FAM219A: variants seen among roughly 807,000 people sequenced by gnomAD.
The protein encoded by FAM219A is protein FAM219A.
Under a neutral mutation model 23.4 loss-of-function variants are expected in FAM219A, and 7 were observed. The ratio of observed to expected loss-of-function variants is 0.30; its 90% CI spans 0.17 to 0.56. The LOEUF (loss-of-function observed/expected upper bound fraction) is 0.56, where lower values mean the gene tolerates loss of function less well. FAM219A is among the 20% of genes least tolerant of loss of function. The pLI is 0.92. For synonymous variants in FAM219A, 93 were observed against 99.0 expected (o/e 0.94, Z 0.36); for missense variants, 166 against 246.9 (o/e 0.67, Z 2.20).
At chr9:34,402,209 C>T (rs1312939260) in intron 4 of FAM219A, 178 bp downstream of exon 4, 12 of 1,556,996 alleles carry the variant, frequency 7.7e-6, no homozygotes, top group African/African-American at 1.4e-5. Context: ...TGCCACCTCT[C>T]TTCAACCCCC....
At chr9:34,428,366 C>T (rs1475032339) in intron 1 of FAM219A, among the ~76,000 whole-genome samples, 1 of 152,244 alleles carries the variant, frequency 6.6e-6, no homozygotes, top group African/African-American at 2.4e-5. Context: ...GTGAACTGCA[C>T]TGACTCTGAG....
At chr9:34,453,566 C>T (rs1336295500) in intron 1 of FAM219A, among the ~76,000 whole-genome samples, 1 of 152,202 alleles carries the variant, frequency 6.6e-6, no homozygotes, top group South Asian at 2.1e-4. Flanking sequence ...TCTTACTTGT[C>T]CCTGTATCCT....
intron 1 of FAM219A, among the ~76,000 whole-genome samples, chr9:34,435,471 C>T (rs1424444613): frequency 6.6e-6 from 1 of 152,156 alleles, no homozygotes. Flanking sequence ...TTTGTCATAA[C>T]AAATTCAAAT....
chr9:34,434,201 C>CAAA (rs56144317), intron 1 of FAM219A, among the ~76,000 whole-genome samples: 45 of 44,942 alleles, frequency 1.0e-3, no homozygotes, highest in African/African-American at 3.2e-3. Context: ...GACTCCGTCT[C>CAAA]AAAAAAAAAA....
chr9:34,448,963 C>T (rs1461686712), intron 1 of FAM219A, among the ~76,000 whole-genome samples: 2 of 145,410 alleles, frequency 1.4e-5, no homozygotes, highest in Admixed American at 1.4e-4. Context: ...ATCCACATAA[C>T]CAAAAACCAC....
chr9:34,404,019 T>G (rs191444373), intron 2 of FAM219A, among the ~76,000 whole-genome samples: 5 of 152,280 alleles, frequency 3.3e-5, no homozygotes, highest in Admixed American at 6.5e-5. Context: ...TGGTACTAGG[T>G]GCAACTGGGA....
intron 2 of FAM219A, among the ~76,000 whole-genome samples, chr9:34,403,551 T>A (rs1387288464): frequency 6.6e-6 from 1 of 152,210 alleles, no homozygotes; most frequent in African/African-American, 2.4e-5. Context: ...TCCTGACTCC[T>A]TTGCCAAGGT....
At chr9:34,428,557 T>G (rs1405788524) in intron 1 of FAM219A, among the ~76,000 whole-genome samples, 1 of 152,192 alleles carries the variant, frequency 6.6e-6, no homozygotes, top group Non-Finnish European at 1.5e-5. Context: ...CTCCCCTGAG[T>G]CCTGCACTGT....
At chr9:34,452,534 G>C (rs570371173) in intron 1 of FAM219A, among the ~76,000 whole-genome samples, 1 of 152,038 alleles carries the variant, frequency 6.6e-6, no homozygotes, top group South Asian at 2.1e-4. Flanking sequence ...CTGTCCCATC[G>C]TGTTTCTCTG....
At chr9:34,407,586 G>A (rs1302899644) in intron 1 of FAM219A, among the ~76,000 whole-genome samples, 1 of 152,212 alleles carries the variant, frequency 6.6e-6, no homozygotes, top group East Asian at 1.9e-4. Flanking sequence ...GAGGGACATA[G>A]GGAAGAGAAC....
At chr9:34,416,739 A>C (rs545025762) in intron 1 of FAM219A, among the ~76,000 whole-genome samples, 17 of 91,044 alleles carry the variant, frequency 1.9e-4, no homozygotes, top group Non-Finnish European at 4.2e-4. Flanking sequence ...CTCTGTCTCA[A>C]AAAAAAAAAA....
In FAM219A at chr9:34,406,581, G is replaced by A. The variant is rs1821643845; in HGVS notation, c.61-617C>T. On this transcript the variant is annotated intron_variant, in intron 1 of 5. Coordinates refer to ENST00000651358, the MANE Select transcript of FAM219A (RefSeq NM_001184940.2). ...TCTCCGGGGAGAACCTGAAAAGTTGGCTAGGTACAGTAGGTGAGAAGACAA... is the reference window on the plus strand; with the variant it reads ...TCTCCGGGGAGAACCTGAAAAGTTGACTAGGTACAGTAGGTGAGAAGACAA... 7.1e-6 allele frequency: 5 copies of A among 706,278 alleles called. No individual in the cohort carries two copies. The South Asian group carries it at 3.1e-4, about 44-fold the overall frequency. The allele number at this position is 706,278 out of a possible 1,614,324, so 43.8% of individuals were successfully genotyped here.
chr9:34,436,178 A>G (rs1822907995), intron 1 of FAM219A, among the ~76,000 whole-genome samples: 1 of 151,690 alleles, frequency 6.6e-6, no homozygotes, highest in South Asian at 2.1e-4. Context: ...AATATCTATT[A>G]TAACTATTAT....
At chr9:34,435,106 C>A (rs969826801) in intron 1 of FAM219A, among the ~76,000 whole-genome samples, 9 of 152,206 alleles carry the variant, frequency 5.9e-5, no homozygotes, top group African/African-American at 2.2e-4. Context: ...CAGGCCTGAG[C>A]CACTGTGCCT....
intron 1 of FAM219A, among the ~76,000 whole-genome samples, chr9:34,410,996 A>G (rs1821800454): frequency 6.6e-6 from 1 of 152,204 alleles, no homozygotes. Context: ...TTAACTGTAA[A>G]GATATCATTA....
At chr9:34,404,697 G>A (rs1821573551) in intron 2 of FAM219A, among the ~76,000 whole-genome samples, 1 of 149,238 alleles carries the variant, frequency 6.7e-6, no homozygotes, top group South Asian at 2.1e-4. Flanking sequence ...AACAGAGAGA[G>A]ACTCTGTCTC....
intron 1 of FAM219A, among the ~76,000 whole-genome samples, chr9:34,423,446 A>G (rs939608173): frequency 1.1e-4 from 16 of 152,250 alleles, no homozygotes; most frequent in Admixed American, 1.0e-3. Context: ...GCACATGACT[A>G]TAGAGCAGGC....
intron 1 of FAM219A, among the ~76,000 whole-genome samples, chr9:34,439,791 G>A (rs1294574302): frequency 6.6e-6 from 1 of 152,138 alleles, no homozygotes; most frequent in East Asian, 1.9e-4. Flanking sequence ...AGCTGAAGAG[G>A]AAGGCAGGAG....
intron 1 of FAM219A, among the ~76,000 whole-genome samples, chr9:34,426,774 G>A (rs560287673): frequency 6.6e-6 from 1 of 152,268 alleles, no homozygotes; most frequent in Admixed American, 6.5e-5. Context: ...GGATTGCAGG[G>A]AAAGTGAGTG....
Sources: allele counts gnomAD v4.1 joint callset (sites outside exome capture counted in the v4.1 genomes callset), GRCh38; gene constraint gnomAD v4.1.1; transcripts MANE v1.5; gene names NCBI Gene and HGNC (gene_info 2026-07-23, HGNC 2026-07-21).